The following LPAR3 variants were observed in gnomAD, a reference collection of about 807,000 sequenced individuals.
LPAR3 encodes the protein LPA receptor 3.
A neutral mutation model predicts 17.8 loss-of-function variants in LPAR3; 7 were observed. That is an observed-to-expected ratio of 0.39 (90% CI 0.22 to 0.74). LPAR3 has a LOEUF of 0.74. Among genes scored for constraint, LPAR3 ranks in the 30% least tolerant of loss-of-function variants. The pLI, the probability that LPAR3 is intolerant of heterozygous loss-of-function variation, is 0.40. For missense variants in LPAR3, 391 were observed against 453.4 expected (o/e 0.86, Z 1.25); for synonymous variants, 179 against 179.9 (o/e 0.99, Z 0.04).
chr1:84,848,634 T>C (rs1659637093), intron 2 of LPAR3, among the ~76,000 whole-genome samples: 1 of 152,164 alleles, frequency 6.6e-6, no homozygotes, highest in East Asian at 1.9e-4. Flanking sequence ...TAAGACAATC[T>C]CTATGTCCTT....
intron 2 of LPAR3, among the ~76,000 whole-genome samples, chr1:84,818,701 C>A (rs985920820): frequency 2.6e-5 from 4 of 152,312 alleles, no homozygotes; most frequent in African/African-American, 9.6e-5. Flanking sequence ...TGGGTGCCCA[C>A]CCCAGGAGCC....
intron 1 of LPAR3, among the ~76,000 whole-genome samples, chr1:84,875,516 T>C (rs959138776): frequency 6.6e-6 from 1 of 152,210 alleles, no homozygotes; most frequent in African/African-American, 2.4e-5. Flanking sequence ...TTCCTCTCTG[T>C]CTCGCATGCT....
intron 2 of LPAR3, among the ~76,000 whole-genome samples, chr1:84,828,088 A>G (rs1466179150): frequency 1.3e-5 from 2 of 152,168 alleles, no homozygotes; most frequent in East Asian, 3.8e-4. Context: ...AGATCTGGAC[A>G]CTACCGGGAA....
Position 84,865,790 on chromosome 1 carries a change from T to C in LPAR3, c.331A>G (p.Ser111Gly), listed in dbSNP as rs779665356. The C allele has an allele frequency of 1.2e-6, 2 of 1,614,114 alleles. No homozygotes were observed. The highest frequency in any genetic ancestry group is 1.7e-6 in the Non-Finnish European group (2 of 1,180,058). The change falls in exon 2 of 3, where the codon AGT becomes GGT. Residue 111 changes from serine (S) to glycine (G), a missense_variant. By Grantham distance (56) the Ser-to-Gly change is moderately conservative (BLOSUM62 0). Coordinates refer to ENST00000370611, the MANE Select transcript of LPAR3 (RefSeq NM_012152.3). ...RWFLRQGLLD[S>G]SLTASLTNLL... ...TTGGTGAGGGAAGCAGTCAAGCTAC[T>C]GTCCAGAAGCCCCTGACGGAGAAAC...
chr1:84,824,843 T>G (rs1447869021), intron 2 of LPAR3, among the ~76,000 whole-genome samples: 1 of 152,216 alleles, frequency 6.6e-6, no homozygotes, highest in Non-Finnish European at 1.5e-5. Flanking sequence ...TGTTTCTGTA[T>G]CCATCTGGCT....
chr1:84,866,256 G>C, intron 1 of LPAR3, 118 bp from the exon 2 acceptor site: 9 of 725,696 alleles, frequency 1.2e-5, no homozygotes, highest in Non-Finnish European at 2.1e-5. Flanking sequence ...AAGACCTGAA[G>C]TGTCAGGTCT....
intron 1 of LPAR3, among the ~76,000 whole-genome samples, chr1:84,873,040 ACTC>A (rs1187842657): frequency 6.6e-6 from 1 of 152,108 alleles, no homozygotes; most frequent in Non-Finnish European, 1.5e-5. Context: ...TCTGACCAGT[ACTC>A]CTCAAAACTG....
At chr1:84,825,209 C>A (rs966508168) in intron 2 of LPAR3, among the ~76,000 whole-genome samples, 9 of 152,208 alleles carry the variant, frequency 5.9e-5, no homozygotes, top group Non-Finnish European at 1.0e-4. Flanking sequence ...AACATGGATG[C>A]TCTGCATTGT....
intron 2 of LPAR3, among the ~76,000 whole-genome samples, chr1:84,859,417 C>T (rs1308625075): frequency 6.6e-6 from 1 of 152,140 alleles, no homozygotes; most frequent in East Asian, 1.9e-4. Context: ...ACCACAAGCC[C>T]TAAGTCCCTT....
rs1658813570 is a variant in LPAR3 at position 84,811,645 on chromosome 1, G to A, written c.*2201C>T. 6.6e-6 allele frequency: 1 copy of A among 152,080 alleles called. No individual in the cohort carries two copies. The highest frequency in any genetic ancestry group is 2.1e-4 in the South Asian group (1 of 4,816). The allele number at this position is 152,080 out of a possible 1,614,324, so 9.4% of individuals were successfully genotyped here. On this transcript the variant is annotated 3_prime_UTR_variant, in exon 3 of 3. Transcript: ENST00000370611. Reference sequence around the variant, plus strand: ...TATTTTATAGGTAGCTTCGATAAAAGCTTCAGATAGACCCACATACTATAC... The same window carrying A: ...TATTTTATAGGTAGCTTCGATAAAAACTTCAGATAGACCCACATACTATAC...
chr1:84,829,823 C>G (rs377518308), intron 2 of LPAR3, among the ~76,000 whole-genome samples: 24 of 152,154 alleles, frequency 1.6e-4, no homozygotes, highest in African/African-American at 5.5e-4. Context: ...AAGCAGAAAG[C>G]GGCCAAGTAA....
chr1:84,872,655 CAGA>C (rs1436139241), intron 1 of LPAR3, among the ~76,000 whole-genome samples: 2 of 152,022 alleles, frequency 1.3e-5, no homozygotes, highest in African/African-American at 2.4e-5. Flanking sequence ...ATCTCCCAGG[CAGA>C]AGAATACCAA....
At chr1:84,854,225 T>C (rs890667717) in intron 2 of LPAR3, among the ~76,000 whole-genome samples, 18 of 152,136 alleles carry the variant, frequency 1.2e-4, no homozygotes, top group Admixed American at 7.2e-4. Flanking sequence ...CCTAGACATA[T>C]GTATACCTGT....
At chr1:84,820,234 G>A (rs1054949567) in intron 2 of LPAR3, among the ~76,000 whole-genome samples, 3 of 152,174 alleles carry the variant, frequency 2.0e-5, no homozygotes, top group Non-Finnish European at 2.9e-5. Flanking sequence ...TAATACATAC[G>A]TCTTGTGTCT....
intron 1 of LPAR3, among the ~76,000 whole-genome samples, chr1:84,869,611 A>C (rs1660120439): frequency 6.6e-6 from 1 of 152,182 alleles, no homozygotes; most frequent in Non-Finnish European, 1.5e-5. Context: ...ATGAAAAAAA[A>C]TCTCAAAATG....
At chr1:84,860,853 C>G (rs1659927211) in intron 2 of LPAR3, among the ~76,000 whole-genome samples, 1 of 151,436 alleles carries the variant, frequency 6.6e-6, no homozygotes, top group East Asian at 1.9e-4. Context: ...ATTCTCCTGC[C>G]TCAGCCTCCT....
At chr1:84,820,939 A>C (rs1659040656) in intron 2 of LPAR3, among the ~76,000 whole-genome samples, 1 of 152,200 alleles carries the variant, frequency 6.6e-6, no homozygotes, top group African/African-American at 2.4e-5. Context: ...TTTTTTAAAA[A>C]AAATGAAATA....
intron 2 of LPAR3, among the ~76,000 whole-genome samples, chr1:84,820,262 C>T (rs1659029354): frequency 6.6e-6 from 1 of 152,170 alleles, no homozygotes; most frequent in Admixed American, 6.5e-5. Context: ...GTTCTAAGCT[C>T]CCTAAGCAGG....
rs1443052136 is a variant in LPAR3 at position 84,813,991 on chromosome 1, T to A, written c.917A>T (p.Lys306Met). The change falls in exon 3 of 3, where the codon AAG (lysine) becomes ATG (methionine). Residue 306 changes from lysine (K) to methionine (M), a missense_variant. Physicochemically the swap from Lys to Met is moderately conservative, Grantham distance 95. Coordinates refer to ENST00000370611, the MANE Select transcript of LPAR3 (RefSeq NM_012152.3). ...CTCCTGAGAGAAGCAGCAGATCATCTTCTTCATGGTGCCATACATGTCCTC... is the reference window on the plus strand; with the variant it reads ...CTCCTGAGAGAAGCAGCAGATCATCATCTTCATGGTGCCATACATGTCCTC... ...KDEDMYGTMKKMICCFSQENP... is the reference protein window; with the variant it reads ...KDEDMYGTMKMMICCFSQENP... The A allele has an allele frequency of 1.2e-6, 2 of 1,614,058 alleles. No homozygotes were observed. The highest frequency in any genetic ancestry group is 2.7e-5 in the African/African-American group (2 of 74,918).
Sources: gnomAD v4.1 joint callset for allele counts (sites outside exome capture counted in the v4.1 genomes callset) on GRCh38, gnomAD v4.1.1 for gene constraint, MANE v1.5 for transcripts, NCBI Gene and HGNC (gene_info 2026-07-23, HGNC 2026-07-21) for gene names.